The following NEDD4 variants were observed in gnomAD, a reference collection of about 807,000 sequenced individuals.
NEDD4 encodes NEDD4 E3 ubiquitin protein ligase, also known as E3 ubiquitin-protein ligase NEDD4.
Under a neutral mutation model 144.9 loss-of-function variants are expected in NEDD4, and 99 were observed. That is an observed-to-expected ratio of 0.68 (90% CI 0.58 to 0.81). The LOEUF (loss-of-function observed/expected upper bound fraction) is 0.81, where lower values mean the gene tolerates loss of function less well. NEDD4 is among the 30% of genes least tolerant of loss of function. NEDD4 has a pLI of 0.00. For missense variants in NEDD4, 985 were observed against 1,065.9 expected (o/e 0.92, Z 1.06); for synonymous variants, 318 against 350.6 (o/e 0.91, Z 1.04).
At chr15:55,839,104 C>A (rs1156937987) in intron 21 of NEDD4, among the ~76,000 whole-genome samples, 6 of 151,754 alleles carry the variant, frequency 4.0e-5, no homozygotes, top group Non-Finnish European at 2.9e-5. Flanking sequence ...CTGTGGCTCA[C>A]TGCAGCCTCG....
At chr15:55,839,826 A>G (rs1436651718) in intron 21 of NEDD4, among the ~76,000 whole-genome samples, 1 of 151,016 alleles carries the variant, frequency 6.6e-6, no homozygotes, top group East Asian at 1.9e-4. Context: ...ATATACAAAA[A>G]TTAGCTGAGT....
At position 55,834,127 on chromosome 15, in the gene NEDD4, C is replaced by T; in HGVS notation, c.2341G>A (p.Gly781Arg). The change falls in exon 26 of 29, where the codon GGA (glycine) becomes AGA (arginine). Residue 781 changes from glycine to arginine, a missense_variant. Physicochemically the swap from Gly to Arg is moderately radical, Grantham distance 125. Transcript: ENST00000435532. Reference sequence around the variant, plus strand: ...CTCCAGTCATTCACATCAACATCTCCCAGTCCACACATAAGAAGCTACATA... The same window carrying T: ...CTCCAGTCATTCACATCAACATCTCTCAGTCCACACATAAGAAGCTACATA... ...NELELLMCGLGDVDVNDWREH... is the reference protein window; with the variant it reads ...NELELLMCGLRDVDVNDWREH... 1 of 1,613,448 alleles carries T rather than the reference C, an allele frequency of 6.2e-7. No homozygotes were observed. The highest frequency in any genetic ancestry group is 1.3e-5 in the African/African-American group (1 of 74,986).
chr15:55,935,399 T>C (rs2036865968), intron 4 of NEDD4, among the ~76,000 whole-genome samples: 2 of 152,090 alleles, frequency 1.3e-5, no homozygotes, highest in Admixed American at 6.6e-5. Flanking sequence ...GCAACTCCTC[T>C]CTCCCAGGGG....
In NEDD4 at chr15:55,848,437, G is replaced by A. The variant is rs777040201; in HGVS notation, c.1484-7C>T. The A allele has an allele frequency of 1.9e-6, 3 of 1,613,480 alleles. No individual in the cohort carries two copies. The highest frequency in any genetic ancestry group is 2.5e-6 in the Non-Finnish European group (3 of 1,179,830). Reference sequence around the variant, plus strand: ...CATTGTGTTCTTTTTATATCTGAAGGGAAGAAAAAGAAAAAAGATGTACTT... The same window carrying A: ...CATTGTGTTCTTTTTATATCTGAAGAGAAGAAAAAGAAAAAAGATGTACTT... On this transcript the variant is annotated splice_polypyrimidine_tract_variant and splice_region_variant and intron_variant, in intron 16 of 28. Coordinates refer to ENST00000435532, the MANE Select transcript of NEDD4 (RefSeq NM_006154.4).
intron 4 of NEDD4, among the ~76,000 whole-genome samples, chr15:55,940,335 A>G (rs547403359): frequency 2.0e-5 from 3 of 152,298 alleles, no homozygotes; most frequent in East Asian, 3.9e-4. Context: ...TCACAGCTGT[A>G]TGCATATGTT....
intron 1 of NEDD4, among the ~76,000 whole-genome samples, chr15:55,976,834 C>T (rs540454627): frequency 1.6e-4 from 25 of 151,964 alleles, no homozygotes; most frequent in African/African-American, 5.1e-4. Context: ...GGGGTTTCAC[C>T]GTGTTAGCAA....
intron 1 of NEDD4, among the ~76,000 whole-genome samples, chr15:55,974,425 A>G (rs796348285): frequency 1.4e-4 from 21 of 152,272 alleles, no homozygotes; most frequent in African/African-American, 5.1e-4. Flanking sequence ...TATAAGGCCA[A>G]TATTACTCTG....
intron 5 of NEDD4, among the ~76,000 whole-genome samples, chr15:55,884,184 G>A (rs2035304675): frequency 6.6e-6 from 1 of 152,202 alleles, no homozygotes; most frequent in Non-Finnish European, 1.5e-5. Context: ...CTGGTCCCAA[G>A]GTGGTACTTC....
chr15:55,933,999 C>T (rs1486115453), intron 4 of NEDD4, among the ~76,000 whole-genome samples: 1 of 152,090 alleles, frequency 6.6e-6, no homozygotes, highest in African/African-American at 2.4e-5. Flanking sequence ...ACTAAAAATA[C>T]AAAATTAGCT....
chr15:55,859,944 C>A (rs1566915442), intron 11 of NEDD4, among the ~76,000 whole-genome samples: 1 of 152,166 alleles, frequency 6.6e-6, no homozygotes, highest in Non-Finnish European at 1.5e-5. Flanking sequence ...TTTAGCCTCA[C>A]TACAGATAAG....
At chr15:55,901,317 G>T (rs2035908196) in intron 5 of NEDD4, among the ~76,000 whole-genome samples, 1 of 152,094 alleles carries the variant, frequency 6.6e-6, no homozygotes, top group South Asian at 2.1e-4. Context: ...TTCAATGGGG[G>T]ATCAAAGAAA....
At chr15:55,851,277 G>C (rs1162468288) in intron 13 of NEDD4, among the ~76,000 whole-genome samples, 1 of 151,904 alleles carries the variant, frequency 6.6e-6, no homozygotes, top group African/African-American at 2.4e-5. Context: ...GTAGTTAAGA[G>C]AAATACACTG....
chr15:55,985,086 G>A (rs1482151206), intron 1 of NEDD4, among the ~76,000 whole-genome samples: 2 of 152,120 alleles, frequency 1.3e-5, no homozygotes, highest in Admixed American at 6.6e-5. Flanking sequence ...TAAGTGACAG[G>A]GCCAGAATTC....
intron 1 of NEDD4, among the ~76,000 whole-genome samples, chr15:55,992,845 A>C (rs1221324279): frequency 6.6e-6 from 1 of 152,222 alleles, no homozygotes; most frequent in Non-Finnish European, 1.5e-5. Context: ...TTCTTTATAA[A>C]GTATTTATAC....
chr15:55,961,026 C>T (rs533466117), intron 2 of NEDD4, among the ~76,000 whole-genome samples: 23 of 152,278 alleles, frequency 1.5e-4, no homozygotes, highest in Admixed American at 2.0e-4. Context: ...CTGATACACT[C>T]GACCCTAACT....
intron 5 of NEDD4, among the ~76,000 whole-genome samples, chr15:55,922,497 G>C (rs1362235331): frequency 6.6e-6 from 1 of 152,010 alleles, no homozygotes; most frequent in African/African-American, 2.4e-5. Context: ...CAAGTAGCTG[G>C]GACTACAGGT....
chr15:55,872,584 A>G, intron 6 of NEDD4, 108 bp from the exon 7 acceptor site: 2 of 397,582 alleles, frequency 5.0e-6, no homozygotes, highest in Non-Finnish European at 9.0e-6. Flanking sequence ...GTTGGAAGTG[A>G]GAAAAAAAAG....
intron 5 of NEDD4, among the ~76,000 whole-genome samples, chr15:55,921,260 T>C (rs73416300): frequency 0.039 from 5,951 of 152,192 alleles, 373 homozygotes; most frequent in African/African-American, 0.14. Flanking sequence ...TACAAGCTAA[T>C]ACCCCAAAAG....
At chr15:55,866,307 C>T (rs1043907501) in intron 8 of NEDD4, among the ~76,000 whole-genome samples, 3 of 151,040 alleles carry the variant, frequency 2.0e-5, no homozygotes, top group Admixed American at 2.0e-4. Context: ...CTCTTCTTTC[C>T]TTATATCCTC....
Sources: gnomAD v4.1 joint callset for allele counts (sites outside exome capture counted in the v4.1 genomes callset) on GRCh38, gnomAD v4.1.1 for gene constraint, MANE v1.5 for transcripts, NCBI Gene and HGNC (gene_info 2026-07-23, HGNC 2026-07-21) for gene names.